Variants in ITSN1 observed in about 807,000 individuals in gnomAD.
The protein encoded by ITSN1 is intersectin 1.
Under a neutral mutation model 239.8 loss-of-function variants are expected in ITSN1, and 58 were observed. The observed-to-expected ratio is 0.24, with a 90% CI of 0.20 to 0.30. The LOEUF (loss-of-function observed/expected upper bound fraction) is 0.30. ITSN1 is among the 10% of genes least tolerant of loss of function. The pLI is 1.00. For synonymous variants in ITSN1, 780 were observed against 770.8 expected, an observed-to-expected ratio of 1.01 and a Z score of -0.20; for missense variants, 1,558 against 2,103.3, an observed-to-expected ratio of 0.74 and a Z score of 5.07.
intron 16 of ITSN1, among the ~76,000 whole-genome samples, chr21:33,787,744 AAG>A (rs1216171537): frequency 1.3e-5 from 2 of 152,182 alleles, no homozygotes; most frequent in African/African-American, 4.8e-5. Flanking sequence ...AAGACTCAGA[AAG>A]AGGAGGCACA....
chr21:33,693,764 A>C (rs2091663590), intron 1 of ITSN1, among the ~76,000 whole-genome samples: 1 of 152,170 alleles, frequency 6.6e-6, no homozygotes, highest in South Asian at 2.1e-4. Flanking sequence ...TTACTCTTTC[A>C]GTCAGGGTTG....
At chr21:33,658,876 T>G (rs972072066) in intron 1 of ITSN1, among the ~76,000 whole-genome samples, 1 of 152,220 alleles carries the variant, frequency 6.6e-6, no homozygotes, top group Non-Finnish European at 1.5e-5. Flanking sequence ...CCAAAATCTT[T>G]GGAATTTCCT....
At chr21:33,842,063 G>A (rs568622685) in intron 29 of ITSN1, among the ~76,000 whole-genome samples, 6 of 151,624 alleles carry the variant, frequency 4.0e-5, no homozygotes, top group African/African-American at 1.2e-4. Flanking sequence ...ACCATGCCTC[G>A]CTAATTTTTT....
chr21:33,814,350 A>G, intron 22 of ITSN1: 2 of 372,190 alleles, frequency 5.4e-6, no homozygotes, highest in South Asian at 5.0e-5. Context: ...AGTGGGTAAG[A>G]TCTTACTAGA....
At chr21:33,842,049 C>T (rs919498656) in intron 29 of ITSN1, among the ~76,000 whole-genome samples, 5 of 151,744 alleles carry the variant, frequency 3.3e-5, no homozygotes, top group Admixed American at 2.0e-4. Flanking sequence ...TACAGGTGCC[C>T]GCCACCATGC....
chr21:33,796,644 C>G lies in ITSN1; in HGVS notation c.1953-735C>G, dbSNP rs1395213528. ...GTGACGTGGACAAGTCATTTAATATCTCTGCCCCAGCTTCCTCATTTGTAA... is the reference window on the plus strand; with the variant it reads ...GTGACGTGGACAAGTCATTTAATATGTCTGCCCCAGCTTCCTCATTTGTAA... On this transcript the variant is annotated intron_variant, in intron 17 of 39. Coordinates refer to ENST00000381318, the MANE Select transcript of ITSN1 (RefSeq NM_003024.3). Among the ~76,000 whole-genome samples the G allele has an allele frequency of 2.0e-5, 3 of 152,184 alleles. No homozygotes were observed. The East Asian group carries it at 5.8e-4, about 29-fold the overall frequency.
chr21:33,802,308 C>G (rs773120654), intron 19 of ITSN1, 122 bp from the exon 20 acceptor site: 15 of 917,158 alleles, frequency 1.6e-5, no homozygotes, highest in Non-Finnish European at 2.4e-5. Flanking sequence ...ACCTTTTCCT[C>G]GAATTGGCTA....
intron 26 of ITSN1, chr21:33,829,345 G>T: frequency 7.4e-6 from 3 of 403,368 alleles, no homozygotes; most frequent in Non-Finnish European, 1.4e-5. Flanking sequence ...GCAAGGAGCG[G>T]ACTTCGTGGA....
At chr21:33,717,647 C>T (rs2065234685) in intron 1 of ITSN1, among the ~76,000 whole-genome samples, 1 of 152,122 alleles carries the variant, frequency 6.6e-6, no homozygotes, top group South Asian at 2.1e-4. Context: ...GCTCCATCTC[C>T]TGGGTTCACG....
intron 27 of ITSN1, among the ~76,000 whole-genome samples, chr21:33,832,097 G>A (rs1017164594): frequency 1.3e-5 from 2 of 152,272 alleles, no homozygotes; most frequent in Non-Finnish European, 2.9e-5. Flanking sequence ...GCAGCCTCAC[G>A]TCTTACCGCT....
intron 27 of ITSN1, among the ~76,000 whole-genome samples, chr21:33,833,005 C>CGT (rs1029951340): frequency 2.0e-5 from 3 of 151,380 alleles, no homozygotes; most frequent in South Asian, 2.1e-4. Flanking sequence ...TGTTTCTAGA[C>CGT]GTGTGTGTGT....
chr21:33,706,665 A>G (rs940916020), intron 1 of ITSN1, among the ~76,000 whole-genome samples: 2 of 152,136 alleles, frequency 1.3e-5, no homozygotes, highest in Non-Finnish European at 2.9e-5. Context: ...CCTATTCACA[A>G]TCTGAGATCT....
At chr21:33,863,030 G>T (rs1472334950) in intron 31 of ITSN1, among the ~76,000 whole-genome samples, 1 of 152,126 alleles carries the variant, frequency 6.6e-6, no homozygotes, top group Non-Finnish European at 1.5e-5. Context: ...GGAGACTGCC[G>T]ATCAGCTCAC....
At chr21:33,855,138 C>G (rs1294523090) in intron 29 of ITSN1, among the ~76,000 whole-genome samples, 1 of 152,206 alleles carries the variant, frequency 6.6e-6, no homozygotes, top group Non-Finnish European at 1.5e-5. Flanking sequence ...AGTCATGACC[C>G]CAGATAACTC....
rs749796773 is a variant in ITSN1 at position 33,819,306 on chromosome 21, C to T, written c.2999C>T (p.Pro1000Leu). 10 of 1,613,850 alleles carry T rather than the reference C, an allele frequency of 6.2e-6. No individual in the cohort carries two copies. Among genetic ancestry groups the T allele is most frequent in the East Asian group, 4.5e-5 (2 of 44,876 alleles). The change falls in exon 24 of 40, where the codon CCG (proline) becomes CTG (leucine). Residue 1000 changes from proline (P) to leucine (L), a missense_variant. Pro to Leu is a moderately conservative substitution (Grantham distance 98, BLOSUM62 -3). Transcript: ENST00000381318. The part of the protein sequence containing the change: ...LKRVASPAAK[P>L]VVSGEEFIAM... Reference sequence around the variant, plus strand: ...CGAGTAGCCTCTCCAGCAGCCAAGCCGGTCGTTTCGGGAGAAGGTGAGGGC... The same window carrying T: ...CGAGTAGCCTCTCCAGCAGCCAAGCTGGTCGTTTCGGGAGAAGGTGAGGGC...
At chr21:33,751,778 G>T (rs2067572776) in intron 6 of ITSN1, 32 bp from the exon 7 acceptor site, 1 of 1,487,596 alleles carries the variant, frequency 6.7e-7, no homozygotes, top group Non-Finnish European at 9.3e-7. Context: ...TATCTTTGTA[G>T]AATTAAAATT....
chr21:33,748,277 C>CT (rs1304387572), intron 5 of ITSN1, among the ~76,000 whole-genome samples: 1 of 151,916 alleles, frequency 6.6e-6, no homozygotes, highest in Non-Finnish European at 1.5e-5. Context: ...TAGCAAGACC[C>CT]TGTCTCTACA....
chr21:33,739,937 A>G (rs1038726607), intron 5 of ITSN1, among the ~76,000 whole-genome samples: 4 of 152,222 alleles, frequency 2.6e-5, no homozygotes, highest in Non-Finnish European at 5.9e-5. Context: ...TGCCACGGGC[A>G]AGAGGCAATG....
intron 7 of ITSN1, among the ~76,000 whole-genome samples, chr21:33,753,143 CT>C (rs2067670052): frequency 1.3e-5 from 2 of 152,038 alleles, no homozygotes; most frequent in African/African-American, 4.8e-5. Context: ...CTGAGTCAAA[CT>C]GAGATGTCTG....
Sources: allele counts gnomAD v4.1 joint callset (sites outside exome capture counted in the v4.1 genomes callset), GRCh38; gene constraint gnomAD v4.1.1; transcripts MANE v1.5; gene names NCBI Gene and HGNC (gene_info 2026-07-23, HGNC 2026-07-21).